Variants in SMG7 observed in about 807,000 individuals in gnomAD.
The protein encoded by SMG7 is SMG7 nonsense mediated mRNA decay factor.
In SMG7, 34 loss-of-function variants were observed where a neutral mutation model predicts 148.2. The observed-to-expected ratio is 0.23, with a 90% CI of 0.17 to 0.31. The LOEUF is 0.31. SMG7 is among the 10% of genes least tolerant of loss of function. The pLI is 1.00. For missense variants in SMG7, 1,114 were observed against 1,408.4 expected (o/e 0.79, Z 3.35); for synonymous variants, 492 against 515.1 (o/e 0.96, Z 0.61).
intron 1 of SMG7, among the ~76,000 whole-genome samples, chr1:183,480,099 A>G (rs1290801743): frequency 6.6e-6 from 1 of 152,128 alleles, no homozygotes; most frequent in Non-Finnish European, 1.5e-5. Context: ...AAAAAGGGAA[A>G]AGGAATTTGG....
chr1:183,488,617 A>G (rs991380207), intron 1 of SMG7, among the ~76,000 whole-genome samples: 1 of 150,542 alleles, frequency 6.6e-6, no homozygotes, highest in Non-Finnish European at 1.5e-5. Context: ...GCTCAGTTTT[A>G]TACCCATGGT....
Position 183,553,475 on chromosome 1 carries a change from G to A in SMG7, c.*1544G>A. On this transcript the variant is annotated 3_prime_UTR_variant, in exon 23 of 23. Coordinates refer to ENST00000688051, the MANE Select transcript of SMG7 (RefSeq NM_001375584.1). ...GTGTGCGAGTGTATGGAGTTAGTGT[G>A]GAACTTAAGAGCTGGAAGACAGCTG... 2.6e-6 allele frequency: 1 copy of A among 379,586 alleles called. No homozygotes were observed. Among genetic ancestry groups the A allele is most frequent in the South Asian group, 2.9e-5 (1 of 34,848 alleles). The allele number at this position is 379,586 out of a possible 1,614,324, so 23.5% of individuals were successfully genotyped here.
At chr1:183,484,839 CTTA>C (rs1423188424) in intron 1 of SMG7, among the ~76,000 whole-genome samples, 1 of 152,024 alleles carries the variant, frequency 6.6e-6, no homozygotes, top group Non-Finnish European at 1.5e-5. Context: ...GTTTGAAAGG[CTTA>C]TTATACTCTT....
At chr1:183,525,036 C>G (rs1665560650) in intron 4 of SMG7, among the ~76,000 whole-genome samples, 1 of 152,104 alleles carries the variant, frequency 6.6e-6, no homozygotes, top group African/African-American at 2.4e-5. Flanking sequence ...TATACTAGCA[C>G]ATACTTGGAT....
chr1:183,541,803 C>G, intron 13 of SMG7, among the ~76,000 whole-genome samples: 1 of 152,154 alleles, frequency 6.6e-6, no homozygotes, highest in Admixed American at 6.6e-5. Context: ...GGGCCCTAGA[C>G]CAGTGTCTTG....
intron 1 of SMG7, among the ~76,000 whole-genome samples, chr1:183,473,172 A>C (rs1222263740): frequency 6.6e-6 from 1 of 151,766 alleles, no homozygotes; most frequent in Non-Finnish European, 1.5e-5. Flanking sequence ...CTTGTTCTTC[A>C]TTCTCGGGTT....
intron 4 of SMG7, 93 bp downstream of exon 4, chr1:183,517,913 AC>A: frequency 7.7e-7 from 1 of 1,303,032 alleles, no homozygotes; most frequent in Non-Finnish European, 1.1e-6. Context: ...AATTCTTGTA[AC>A]CACTATGTGG....
intron 1 of SMG7, among the ~76,000 whole-genome samples, chr1:183,512,560 G>C (rs1434359665): frequency 1.3e-5 from 2 of 152,132 alleles, no homozygotes; most frequent in African/African-American, 4.8e-5. Context: ...AATCACATGT[G>C]AAGGAAAACA....
chr1:183,523,779 C>T (rs896282222), intron 4 of SMG7, among the ~76,000 whole-genome samples: 4 of 152,052 alleles, frequency 2.6e-5, no homozygotes, highest in Non-Finnish European at 4.4e-5. Flanking sequence ...GATGTTCCAA[C>T]CATAATTTTA....
chr1:183,491,750 T>G (rs1657086234), intron 1 of SMG7, among the ~76,000 whole-genome samples: 1 of 152,294 alleles, frequency 6.6e-6, no homozygotes, highest in Non-Finnish European at 1.5e-5. Context: ...ATAAAATACC[T>G]AAGACTAGGT....
chr1:183,483,981 T>C (rs1654802046), intron 1 of SMG7, among the ~76,000 whole-genome samples: 2 of 152,192 alleles, frequency 1.3e-5, no homozygotes. Context: ...GAATTAAGAC[T>C]GGCTTAATTT....
Position 183,545,251 on chromosome 1 carries a change from C to G in SMG7, c.2309C>G (p.Ser770Cys). Reference sequence around the variant, plus strand: ...CAAGCTCTAACTCAGCAACAACAATCCCCTACAAAAGCTGTGCCGGCTTTG... The same window carrying G: ...CAAGCTCTAACTCAGCAACAACAATGCCCTACAAAAGCTGTGCCGGCTTTG... ...QVQALTQQQQSPTKAVPALGK... is the reference protein window; with the variant it reads ...QVQALTQQQQCPTKAVPALGK... Residue 770 changes from serine (S) to cysteine (C), a missense_variant, in exon 16 of 23, where the codon TCC becomes TGC. Ser to Cys is a moderately radical substitution (Grantham distance 112). Around this residue, in one of 4 missense-constraint regions of SMG7, gnomAD observed 788 missense variants for 894.5 expected, o/e 0.88. Coordinates refer to ENST00000688051, the MANE Select transcript of SMG7 (RefSeq NM_001375584.1). The G allele has an allele frequency of 6.2e-7, 1 of 1,613,830 alleles. No individual in the cohort carries two copies. The highest frequency in any genetic ancestry group is 8.5e-7 in the Non-Finnish European group (1 of 1,180,008).
Position 183,553,416 on chromosome 1 carries a change from G to A in SMG7, c.*1485G>A, listed in dbSNP as rs953509273. Reference sequence around the variant, plus strand: ...TGTCTGTATGTTTGTGTACACACACGTGCCCATCTGCTGTCCCAGAGGGGA... The same window carrying A: ...TGTCTGTATGTTTGTGTACACACACATGCCCATCTGCTGTCCCAGAGGGGA... On this transcript the variant is annotated 3_prime_UTR_variant, in exon 23 of 23. Transcript: ENST00000688051. The A allele has an allele frequency of 1.3e-5, 7 of 543,222 alleles. No homozygotes were observed. Among genetic ancestry groups the A allele is most frequent in the Middle Eastern group, 5.0e-4 (1 of 2,000 alleles). 33.7% of individuals were successfully genotyped at this position (543,222 alleles called of 1,614,324 possible). A position where few individuals can be genotyped will look rare whatever the true frequency, so the allele number is the denominator to read the frequency against.
intron 1 of SMG7, among the ~76,000 whole-genome samples, chr1:183,497,714 C>T (rs1031060513): frequency 2.0e-5 from 3 of 151,976 alleles, no homozygotes; most frequent in South Asian, 2.1e-4. Context: ...GGATTATAGG[C>T]GCCCGCCACC....
chr1:183,551,912 C>T lies in SMG7; in HGVS notation c.3545C>T (p.Thr1182Ile), dbSNP rs1259293600. The T allele has an allele frequency of 1.9e-6, 3 of 1,613,774 alleles. No homozygotes were observed. Among genetic ancestry groups the T allele is most frequent in the East Asian group, 4.5e-5 (2 of 44,842 alleles). ...CAGAAACAGCAACGGGGACAAGGCA[C>T]CATGAACCCTCCACACTGAGGCCAA... ...QKQKQQRGQG[T>I]MNPPH Residue 1182 changes from threonine to isoleucine, a missense_variant, in exon 23 of 23, where the codon ACC becomes ATC. Physicochemically the swap from Thr to Ile is moderately conservative, Grantham distance 89. Around this residue, in one of 4 missense-constraint regions of SMG7, gnomAD observed 788 missense variants for 894.5 expected, o/e 0.88. Coordinates refer to ENST00000688051, the MANE Select transcript of SMG7 (RefSeq NM_001375584.1).
At chr1:183,472,703 A>G (rs1433134813) in intron 1 of SMG7, 54 bp downstream of exon 1, 11 of 1,421,012 alleles carry the variant, frequency 7.7e-6, no homozygotes, top group Non-Finnish European at 9.3e-6. Flanking sequence ...AGGTTGGGGC[A>G]TGGAGCAACA....
chr1:183,539,980 GTC>G (rs1418434658), intron 12 of SMG7, among the ~76,000 whole-genome samples: 3 of 152,164 alleles, frequency 2.0e-5, no homozygotes, highest in Admixed American at 2.0e-4. Flanking sequence ...TTGCTCCACT[GTC>G]TCTTTTAGCT....
chr1:183,517,585 G>A (rs749783643), intron 3 of SMG7, 103 bp from the exon 4 acceptor site: 45 of 1,054,966 alleles, frequency 4.3e-5, no homozygotes, highest in Non-Finnish European at 6.1e-5. Context: ...TTACTGTCTC[G>A]TGTGGTATAA....
intron 15 of SMG7, 132 bp from the exon 16 acceptor site, chr1:183,544,798 T>G: frequency 1.0e-6 from 1 of 974,944 alleles, no homozygotes; most frequent in East Asian, 2.4e-5. Flanking sequence ...AAGTTAAAGA[T>G]TGACAACATG....
Sources: gnomAD v4.1 joint callset for allele counts (sites outside exome capture counted in the v4.1 genomes callset) on GRCh38, gnomAD v4.1.1 for gene constraint, gnomAD v4.1.1 regional missense constraint, MANE v1.5 for transcripts, NCBI Gene and HGNC (gene_info 2026-07-23, HGNC 2026-07-21) for gene names.